The following MIXL1 variants were observed in gnomAD, a reference collection of about 807,000 sequenced individuals.
MIXL1 encodes the protein Mix paired-like homeobox, also known as homeobox protein MIXL1.
Under a neutral mutation model 9.3 loss-of-function variants are expected in MIXL1, and 9 were observed. The observed-to-expected ratio is 0.97, with a 90% CI of 0.58 to 1.69. The LOEUF (loss-of-function observed/expected upper bound fraction) is 1.69, where lower values mean the gene tolerates loss of function less well. Ranked by LOEUF, MIXL1 falls within the 40% of genes most tolerant of loss-of-function variation. The pLI is 0.00. For synonymous variants in MIXL1, 164 were observed against 155.6 expected, an observed-to-expected ratio of 1.05 and a Z score of -0.40; for missense variants, 330 against 331.7, an observed-to-expected ratio of 0.99 and a Z score of 0.04.
chr1:226,224,529 T>C (rs2615799), intron 1 of MIXL1, among the ~76,000 whole-genome samples: 45,537 of 152,064 alleles, frequency 0.3, 6,953 homozygotes, highest in Middle Eastern at 0.34. Flanking sequence ...TGGCAAGTGT[T>C]ACGTTTTGGG....
rs757236018 is a variant in MIXL1, at chr1:226,223,701, G to C, written c.20G>C (p.Arg7Pro). The change falls in exon 1 of 2, where the codon CGT (arginine) becomes CCT (proline). Residue 7 changes from arginine (R) to proline (P), a missense_variant. Coordinates refer to ENST00000366810, the MANE Select transcript of MIXL1 (RefSeq NM_031944.3). MATAESRALQFAEGAAF... is the reference protein window; with the variant it reads MATAESPALQFAEGAAF... Reference sequence around the variant, plus strand: ...GGAGCGATGGCCACAGCCGAGTCCCGTGCGCTCCAGTTTGCCGAGGGCGCC... The same window carrying C: ...GGAGCGATGGCCACAGCCGAGTCCCCTGCGCTCCAGTTTGCCGAGGGCGCC... The C allele has an allele frequency of 1.6e-5, 23 of 1,470,748 alleles. No individual in the cohort carries two copies. The African/African-American group carries it at 3.1e-4, about 20-fold the overall frequency. 91.1% of individuals were successfully genotyped at this position (1,470,748 alleles called of 1,614,324 possible).
rs1349321725 is a variant in MIXL1 at position 226,223,868 on chromosome 1, GC to G, written c.191del (p.Pro64ArgfsTer108). On this transcript the variant is annotated frameshift_variant, in exon 1 of 2. Transcript: ENST00000366810. LOFTEE classifies it high-confidence loss of function. ...AGFLGRDPGPAPPPPASLGSP... is the reference protein window; with the variant it reads ...AGFLGRDPGPXPPPPASLGSP... ...CTTCCTCGGCCGGGACCCCGGGCCGGCCCCGCCGCCCCCCGCCAGCCTGGGC... is the reference window on the plus strand; with the variant it reads ...CTTCCTCGGCCGGGACCCCGGGCCGGCCCGCCGCCCCCCGCCAGCCTGGGC... 8.3e-7 allele frequency: 1 copy of G among 1,200,796 alleles called. No homozygotes were observed. The highest frequency in any genetic ancestry group is 4.0e-5 in the South Asian group (1 of 24,726). The allele number at this position is 1,200,796 out of a possible 1,614,324, so 74.4% of individuals were successfully genotyped here. A position where few individuals can be genotyped will look rare whatever the true frequency, so the allele number is the denominator to read the frequency against.
chr1:226,223,809 C>A lies in MIXL1; in HGVS notation c.128C>A (p.Pro43Gln). 1 of 1,231,592 alleles carries A rather than the reference C, an allele frequency of 8.1e-7. No individual in the cohort carries two copies. Among genetic ancestry groups the A allele is most frequent in the Non-Finnish European group, 1.0e-6 (1 of 988,414 alleles). The allele number at this position is 1,231,592 out of a possible 1,614,324, so 76.3% of individuals were successfully genotyped here. A position where few individuals can be genotyped will look rare whatever the true frequency, so the allele number is the denominator to read the frequency against. The change falls in exon 1 of 2, where the codon CCG becomes CAG. Residue 43 changes from proline to glutamine, a missense_variant. Coordinates refer to ENST00000366810, the MANE Select transcript of MIXL1 (RefSeq NM_031944.3). Reference protein sequence around the residue: ...PSPAAALLPAPPAGPGPATFA... With the variant: ...PSPAAALLPAQPAGPGPATFA... The stretch of plus-strand genomic sequence containing the variant: ...CCTGCGGCAGCCCTGCTCCCTGCGC[C>A]GCCCGCGGGCCCCGGCCCAGCGACC...
chr1:226,225,207 GT>G (rs1558144081), intron 1 of MIXL1, among the ~76,000 whole-genome samples: 1 of 152,114 alleles, frequency 6.6e-6, no homozygotes, highest in Admixed American at 6.5e-5. Flanking sequence ...ATTTAATGCA[GT>G]TTTTTTCTAA....
In MIXL1 at chr1:226,225,673, C is replaced by A; in HGVS notation, c.560C>A (p.Pro187Gln). The change falls in exon 2 of 2, where the codon CCA (proline) becomes CAA (glutamine). Residue 187 changes from proline to glutamine, a missense_variant. By Grantham distance (76) the Pro-to-Gln change is moderately conservative (BLOSUM62 -1). Coordinates refer to ENST00000366810, the MANE Select transcript of MIXL1 (RefSeq NM_031944.3). ...LEVDVNCLPEPNGVGGGISDS... is the reference protein window; with the variant it reads ...LEVDVNCLPEQNGVGGGISDS... Reference sequence around the variant, plus strand: ...GTAGATGTGAACTGCCTGCCCGAACCAAACGGGGTTGGAGGGGGCATCTCT... The same window carrying A: ...GTAGATGTGAACTGCCTGCCCGAACAAAACGGGGTTGGAGGGGGCATCTCT... The A allele has an allele frequency of 6.2e-7, 1 of 1,614,182 alleles. No individual in the cohort carries two copies. The highest frequency in any genetic ancestry group is 1.1e-5 in the South Asian group (1 of 91,084).
In MIXL1 at chr1:226,224,092, T is replaced by G. The variant is rs1252212615; in HGVS notation, c.393+18T>G. The G allele has an allele frequency of 7.7e-7, 1 of 1,292,440 alleles. No homozygotes were observed. Among genetic ancestry groups the G allele is most frequent in the Non-Finnish European group, 9.8e-7 (1 of 1,016,166 alleles). The allele number at this position is 1,292,440 out of a possible 1,614,324, so 80.1% of individuals were successfully genotyped here. A position where few individuals can be genotyped will look rare whatever the true frequency, so the allele number is the denominator to read the frequency against. ...GGATCCAGGTGAGGGCCCGCTGCGT[T>G]CGCAAGTGCGCGCTGGAGCGGAGGC... On this transcript the variant is annotated intron_variant, in intron 1 of 1. Transcript: ENST00000366810.
At position 226,226,028 on chromosome 1, in the gene MIXL1, G is replaced by GT; in HGVS notation, c.*221dup. On this transcript the variant is annotated 3_prime_UTR_variant, in exon 2 of 2. Coordinates refer to ENST00000366810, the MANE Select transcript of MIXL1 (RefSeq NM_031944.3). ...CTCCCACCCCAGAGTTCCCGCATTC[G>GT]TTTTTACCTGTGTTCTCTCCAAGCC... is the stretch of plus-strand genomic sequence containing the variant. 3.7e-6 allele frequency: 2 copies of GT among 537,410 alleles called. No individual in the cohort carries two copies. The highest frequency in any genetic ancestry group is 6.7e-6 in the Non-Finnish European group (2 of 300,278). The allele number at this position is 537,410 out of a possible 1,614,324, so 33.3% of individuals were successfully genotyped here. A position where few individuals can be genotyped will look rare whatever the true frequency, so the allele number is the denominator to read the frequency against.
chr1:226,223,881 C>A lies in MIXL1; in HGVS notation c.200C>A (p.Pro67His). 1.6e-6 allele frequency: 2 copies of A among 1,224,784 alleles called. No homozygotes were observed. Among genetic ancestry groups the A allele is most frequent in the Non-Finnish European group, 1.0e-6 (1 of 983,832 alleles). 75.9% of individuals were successfully genotyped at this position (1,224,784 alleles called of 1,614,324 possible). Residue 67 changes from proline to histidine, a missense_variant, in exon 1 of 2, where the codon CCC (proline) becomes CAC (histidine). By Grantham distance (77) the Pro-to-His change is moderately conservative. Coordinates refer to ENST00000366810, the MANE Select transcript of MIXL1 (RefSeq NM_031944.3). ...GACCCCGGGCCGGCCCCGCCGCCCC[C>A]CGCCAGCCTGGGCTCGCCTGCGCCC... ...GRDPGPAPPP[P>H]ASLGSPAPPK... is the part of the protein sequence containing the mutation.
rs761396085 is a variant in MIXL1, at chr1:226,223,763, G to A, written c.82G>A (p.Ala28Thr). The A allele has an allele frequency of 2.1e-6, 3 of 1,415,096 alleles. No individual in the cohort carries two copies. In the African/African-American group the frequency reaches 4.5e-5, roughly 21 times the overall value. 87.7% of individuals were successfully genotyped at this position (1,415,096 alleles called of 1,614,324 possible). ...GTACCGGGCCCCCCACGCCGGCGGG[G>A]CGCTCCTGCCGCCCCCGAGCCCTGC... ...PAYRAPHAGGALLPPPSPAAA... is the reference protein window; with the variant it reads ...PAYRAPHAGGTLLPPPSPAAA... Residue 28 changes from alanine to threonine, a missense_variant, in exon 1 of 2, where the codon GCG (alanine) becomes ACG (threonine). By Grantham distance (58) the Ala-to-Thr change is moderately conservative (BLOSUM62 0). Coordinates refer to ENST00000366810, the MANE Select transcript of MIXL1 (RefSeq NM_031944.3).
At position 226,226,017 on chromosome 1, in the gene MIXL1, T is replaced by G; in HGVS notation, c.*205T>G. ...TTAAGCCCACACTCCCACCCCAGAG[T>G]TCCCGCATTCGTTTTTACCTGTGTT... On this transcript the variant is annotated 3_prime_UTR_variant, in exon 2 of 2. Transcript: ENST00000366810. 1 of 557,120 alleles carries G rather than the reference T, an allele frequency of 1.8e-6. No individual in the cohort carries two copies. Among genetic ancestry groups the G allele is most frequent in the Non-Finnish European group, 3.2e-6 (1 of 312,830 alleles). 34.5% of individuals were successfully genotyped at this position (557,120 alleles called of 1,614,324 possible).
chr1:226,225,373 T>A, intron 1 of MIXL1, 134 bp from the exon 2 acceptor site: 1 of 939,522 alleles, frequency 1.1e-6, no homozygotes, highest in Non-Finnish European at 1.6e-6. Flanking sequence ...TCAACCCAAG[T>A]GCTTTCTGAA....
chr1:226,224,125 A>T (rs999863780), intron 1 of MIXL1, 51 bp downstream of exon 1: 4 of 1,248,130 alleles, frequency 3.2e-6, no homozygotes, highest in Admixed American at 4.0e-5. Flanking sequence ...GGCGCTGCGG[A>T]CTCTAGGTCT....
At chr1:226,224,205 T>C in intron 1 of MIXL1, 131 bp downstream of exon 1, 2 of 819,562 alleles carry the variant, frequency 2.4e-6, no homozygotes, top group Middle Eastern at 8.0e-4. Context: ...CTCTGCGTAC[T>C]AGACTGAAAT....
In MIXL1 at chr1:226,223,799, C is replaced by T; in HGVS notation, c.118C>T (p.Leu40Phe). ...LPPPSPAAAL[L>F]PAPPAGPGPA... ...GCCCCCGAGCCCTGCGGCAGCCCTG[C>T]TCCCTGCGCCGCCCGCGGGCCCCGG... The change falls in exon 1 of 2, where the codon CTC becomes TTC. Residue 40 changes from leucine to phenylalanine, a missense_variant. Physicochemically the swap from Leu to Phe is conservative, Grantham distance 22. Coordinates refer to ENST00000366810, the MANE Select transcript of MIXL1 (RefSeq NM_031944.3). The T allele has an allele frequency of 8.0e-7, 1 of 1,245,342 alleles. No individual in the cohort carries two copies. Among genetic ancestry groups the T allele is most frequent in the Non-Finnish European group, 1.0e-6 (1 of 996,556 alleles). 77.1% of individuals were successfully genotyped at this position (1,245,342 alleles called of 1,614,324 possible). A position where few individuals can be genotyped will look rare whatever the true frequency, so the allele number is the denominator to read the frequency against.
chr1:226,224,807 T>A (rs547030537), intron 1 of MIXL1, among the ~76,000 whole-genome samples: 1 of 152,202 alleles, frequency 6.6e-6, no homozygotes, highest in South Asian at 2.1e-4. Flanking sequence ...GCCCAGCTAA[T>A]TTTTGTATTT....
rs765712718 is a variant in MIXL1 at position 226,223,904 on chromosome 1, C to T, written c.223C>T (p.Pro75Ser). ...PPPASLGSPAPPKGAAAPSAS... is the reference protein window; with the variant it reads ...PPPASLGSPASPKGAAAPSAS... ...CCCCGCCAGCCTGGGCTCGCCTGCG[C>T]CCCCCAAAGGCGCGGCCGCCCCGTC... Residue 75 changes from proline (P) to serine (S), a missense_variant, in exon 1 of 2, where the codon CCC becomes TCC. Coordinates refer to ENST00000366810, the MANE Select transcript of MIXL1 (RefSeq NM_031944.3). The T allele has an allele frequency of 2.3e-6, 3 of 1,295,744 alleles. No individual in the cohort carries two copies. The highest frequency in any genetic ancestry group is 3.1e-5 in the East Asian group (1 of 32,252). The allele number at this position is 1,295,744 out of a possible 1,614,324, so 80.3% of individuals were successfully genotyped here. A position where few individuals can be genotyped will look rare whatever the true frequency, so the allele number is the denominator to read the frequency against.
At position 226,225,582 on chromosome 1, in the gene MIXL1, A is replaced by G. The variant is rs2102810706; in HGVS notation, c.469A>G (p.Ile157Val). 1 of 1,614,188 alleles carries G rather than the reference A, an allele frequency of 6.2e-7. No individual in the cohort carries two copies. The highest frequency in any genetic ancestry group is 1.3e-5 in the African/African-American group (1 of 75,042). ...CTTCCAACCTTTGGCTAGGCCGGAG[A>G]TTATCCTCAACCACTGTGCTCCTGG... ...KSFQPLARPEIILNHCAPGTE... is the reference protein window; with the variant it reads ...KSFQPLARPEVILNHCAPGTE... The change falls in exon 2 of 2, where the codon ATT (isoleucine) becomes GTT (valine). Residue 157 changes from isoleucine to valine, a missense_variant. Physicochemically the swap from Ile to Val is conservative, Grantham distance 29. Coordinates refer to ENST00000366810, the MANE Select transcript of MIXL1 (RefSeq NM_031944.3).
At position 226,223,694 on chromosome 1, in the gene MIXL1, G is replaced by A; in HGVS notation, c.13G>A (p.Glu5Lys). The change falls in exon 1 of 2, where the codon GAG becomes AAG. Residue 5 changes from glutamate to lysine, a missense_variant. Coordinates refer to ENST00000366810, the MANE Select transcript of MIXL1 (RefSeq NM_031944.3). MATA[E>K]SRALQFAEGA... The stretch of plus-strand genomic sequence containing the variant: ...GGGTTCCGGAGCGATGGCCACAGCC[G>A]AGTCCCGTGCGCTCCAGTTTGCCGA... 6.8e-7 allele frequency: 1 copy of A among 1,472,698 alleles called. No individual in the cohort carries two copies. Among genetic ancestry groups the A allele is most frequent in the Non-Finnish European group, 8.9e-7 (1 of 1,119,840 alleles). 91.2% of individuals were successfully genotyped at this position (1,472,698 alleles called of 1,614,324 possible). A position where few individuals can be genotyped will look rare whatever the true frequency, so the allele number is the denominator to read the frequency against.
chr1:226,225,948 A>T lies in MIXL1; in HGVS notation c.*136A>T. 1.3e-6 allele frequency: 1 copy of T among 756,302 alleles called. No homozygotes were observed. Among genetic ancestry groups the T allele is most frequent in the South Asian group, 1.8e-5 (1 of 56,334 alleles). 46.8% of individuals were successfully genotyped at this position (756,302 alleles called of 1,614,324 possible). ...TAACCTTGATGATGGTTTTGACAGCACCTCTCACATTTGAAGGTACCCCGC... is the reference window on the plus strand; with the variant it reads ...TAACCTTGATGATGGTTTTGACAGCTCCTCTCACATTTGAAGGTACCCCGC... On this transcript the variant is annotated 3_prime_UTR_variant, in exon 2 of 2. Transcript: ENST00000366810.
Sources: gnomAD v4.1 joint callset for allele counts (sites outside exome capture counted in the v4.1 genomes callset) on GRCh38, gnomAD v4.1.1 for gene constraint, MANE v1.5 for transcripts, NCBI Gene and HGNC (gene_info 2026-07-23, HGNC 2026-07-21) for gene names.